TPSG1: variants seen among roughly 807,000 people sequenced by gnomAD.
TPSG1 encodes tryptase gamma 1, also known as tryptase gamma.
A neutral mutation model predicts 23.8 loss-of-function variants in TPSG1; 43 were observed. That is an observed-to-expected ratio of 1.81 (90% CI 1.42 to 2.33). The LOEUF is 2.33. TPSG1 is among the 30% of genes most tolerant of loss of function. TPSG1 has a pLI of 0.00. For synonymous variants in TPSG1, 302 were observed against 201.3 expected, an observed-to-expected ratio of 1.50 and a Z score of -4.23; for missense variants, 623 against 438.6, an observed-to-expected ratio of 1.42 and a Z score of -3.75.
intron 1 of TPSG1, 184 bp from the exon 2 acceptor site, chr16:1,224,812 C>G (rs1180728384): frequency 2.6e-5 from 19 of 719,764 alleles, no homozygotes; most frequent in Non-Finnish European, 4.4e-5. Context: ...GTGGGACAAG[C>G]CACAGGCCAT....
At chr16:1,224,700 C>T in intron 1 of TPSG1, 72 bp from the exon 2 acceptor site, 2 of 1,598,110 alleles carry the variant, frequency 1.3e-6, no homozygotes, top group South Asian at 1.1e-5. Flanking sequence ...CCAGAGGCCC[C>T]TGCCAGGCCT....
At position 1,221,816 on chromosome 16, in the gene TPSG1, TC is replaced by T. The variant is rs1970501107; in HGVS notation, c.937del (p.Asp313MetfsTer20). ...LAKCLLHPSA[D>X]GTPFPAPD ...GTCAGGGGCGGGGAAGGGAGTACCATCCGCAGATGGGTGCAGCAGGCACTTG... is the reference window on the plus strand; with the variant it reads ...GTCAGGGGCGGGGAAGGGAGTACCATCGCAGATGGGTGCAGCAGGCACTTG... On this transcript the variant is annotated frameshift_variant, in exon 6 of 6. Coordinates refer to ENST00000234798, the MANE Select transcript of TPSG1 (RefSeq NM_012467.4). LOFTEE classifies it low-confidence loss of function (END_TRUNC). 2 of 1,609,196 alleles carry T rather than the reference TC, an allele frequency of 1.2e-6. No individual in the cohort carries two copies. Among genetic ancestry groups the T allele is most frequent in the Non-Finnish European group, 1.7e-6 (2 of 1,177,638 alleles).
rs1236865410 is a variant in TPSG1 at position 1,224,591 on chromosome 16, C to G, written c.73+11G>C. 5 of 1,613,692 alleles carry G rather than the reference C, an allele frequency of 3.1e-6. No homozygotes were observed. In the African/African-American group the frequency reaches 5.3e-5, roughly 17 times the overall value. ...ACCCTCCCCCACACCCCACACCTGTCAGAGACGTACCTGGCTGCAAAGTCC... is the reference window on the plus strand; with the variant it reads ...ACCCTCCCCCACACCCCACACCTGTGAGAGACGTACCTGGCTGCAAAGTCC... On this transcript the variant is annotated intron_variant, in intron 2 of 5. Coordinates refer to ENST00000234798, the MANE Select transcript of TPSG1 (RefSeq NM_012467.4).
chr16:1,221,677 G>T lies in TPSG1; in HGVS notation c.*111C>A. The T allele has an allele frequency of 8.7e-7, 1 of 1,145,552 alleles. No individual in the cohort carries two copies. Among genetic ancestry groups the T allele is most frequent in the Non-Finnish European group, 1.2e-6 (1 of 823,982 alleles). 71.0% of individuals were successfully genotyped at this position (1,145,552 alleles called of 1,614,324 possible). On this transcript the variant is annotated 3_prime_UTR_variant, in exon 6 of 6. Transcript: ENST00000234798. ...TTGTTTCGTGTGCTTTTAAATTCAG[G>T]TTAAATGTTGCAATAATCTGATGCA... is the stretch of plus-strand genomic sequence containing the variant.
Position 1,222,231 on chromosome 16 carries a change from T to C in TPSG1, c.622A>G (p.Met208Val), listed in dbSNP as rs1215244799. ...GPGGSILQPD[M>V]LCARGPGDAC... ...TCCCCGGGGCCCCGGGCACACAGCATGTCGGGCTGAAGGATGCTGCCCCCG... is the reference window on the plus strand; with the variant it reads ...TCCCCGGGGCCCCGGGCACACAGCACGTCGGGCTGAAGGATGCTGCCCCCG... Residue 208 changes from methionine to valine, a missense_variant, in exon 5 of 6, where the codon ATG becomes GTG. Physicochemically the swap from Met to Val is conservative, Grantham distance 21. Coordinates refer to ENST00000234798, the MANE Select transcript of TPSG1 (RefSeq NM_012467.4). The C allele has an allele frequency of 3.1e-6, 5 of 1,611,636 alleles. No homozygotes were observed. The highest frequency in any genetic ancestry group is 1.7e-5 in the Admixed American group (1 of 59,964).
At position 1,221,696 on chromosome 16, in the gene TPSG1, T is replaced by C; in HGVS notation, c.*92A>G. 2 of 1,262,224 alleles carry C rather than the reference T, an allele frequency of 1.6e-6. No homozygotes were observed. The highest frequency in any genetic ancestry group is 2.2e-6 in the Non-Finnish European group (2 of 924,662). The allele number at this position is 1,262,224 out of a possible 1,614,324, so 78.2% of individuals were successfully genotyped here. ...ATTCAGGTTAAATGTTGCAATAATC[T>C]GATGCAGAAGACTCAGCTTCTCAAG... On this transcript the variant is annotated 3_prime_UTR_variant, in exon 6 of 6. Transcript: ENST00000234798.
At position 1,224,339 on chromosome 16, in the gene TPSG1, A is replaced by G. The variant is rs150144521; in HGVS notation, c.73+263T>C. Among the ~76,000 whole-genome samples the G allele has an allele frequency of 1.9e-3, 287 of 152,152 alleles. 1 individual carries two copies. The highest frequency in any genetic ancestry group is 2.5e-3 in the Non-Finnish European group (171 of 67,962). On this transcript the variant is annotated intron_variant, in intron 2 of 5. Coordinates refer to ENST00000234798, the MANE Select transcript of TPSG1 (RefSeq NM_012467.4). Reference sequence around the variant, plus strand: ...CCACGGTGGGGACGCTGTGGGGAGAAAGTTCGAGGAGGGCCAGGTTGTTTC... The same window carrying G: ...CCACGGTGGGGACGCTGTGGGGAGAGAGTTCGAGGAGGGCCAGGTTGTTTC...
rs571497796 is a variant in TPSG1, at chr16:1,224,916, G to A, written c.47-288C>T. ...CAGGAAAGAAATCACCAGTGTTCTA[G>A]GGCCTGGGACTCCTGGCACCCCCAA... is the stretch of plus-strand genomic sequence containing the variant. On this transcript the variant is annotated intron_variant, in intron 1 of 5. Coordinates refer to ENST00000234798, the MANE Select transcript of TPSG1 (RefSeq NM_012467.4). 4.5e-4 allele frequency: 269 copies of A among 593,808 alleles called. No individual in the cohort carries two copies. In the African/African-American group the frequency reaches 4.6e-3, roughly 10 times the overall value. The allele number at this position is 593,808 out of a possible 1,614,324, so 36.8% of individuals were successfully genotyped here.
chr16:1,222,227 A>G lies in TPSG1; in HGVS notation c.626T>C (p.Leu209Pro). ...PGGSILQPDM[L>P]CARGPGDACQ... ...GGCATCCCCGGGGCCCCGGGCACAC[A>G]GCATGTCGGGCTGAAGGATGCTGCC... Residue 209 changes from leucine (L) to proline (P), a missense_variant, in exon 5 of 6, where the codon CTG becomes CCG. By Grantham distance (98) the Leu-to-Pro change is moderately conservative. Transcript: ENST00000234798. 6.2e-7 allele frequency: 1 copy of G among 1,611,722 alleles called. No individual in the cohort carries two copies. Among genetic ancestry groups the G allele is most frequent in the African/African-American group, 1.3e-5 (1 of 74,892 alleles).
At chr16:1,224,476 C>G in intron 2 of TPSG1, 126 bp downstream of exon 2, 2 of 1,282,794 alleles carry the variant, frequency 1.6e-6, no homozygotes, top group Non-Finnish European at 1.1e-6. Context: ...GAGCAGAAAC[C>G]ACGGCGACAA....
chr16:1,222,285 C>G lies in TPSG1; in HGVS notation c.568G>C (p.Glu190Gln), dbSNP rs750476007. The G allele has an allele frequency of 3.5e-5, 57 of 1,611,558 alleles. No homozygotes were observed. Among genetic ancestry groups the G allele is most frequent in the Non-Finnish European group, 4.5e-5 (53 of 1,179,580 alleles). ...CCGGGATAGTCCCGGCGGCAGGTCTCTGTGTCCACCACGGAGACTTTCACC... is the reference window on the plus strand; with the variant it reads ...CCGGGATAGTCCCGGCGGCAGGTCTGTGTGTCCACCACGGAGACTTTCACC... Reference protein sequence around the residue: ...REVKVSVVDTETCRRDYPGPG... With the variant: ...REVKVSVVDTQTCRRDYPGPG... Residue 190 changes from glutamate to glutamine, a missense_variant, in exon 5 of 6, where the codon GAG becomes CAG. By Grantham distance (29) the Glu-to-Gln change is conservative. Coordinates refer to ENST00000234798, the MANE Select transcript of TPSG1 (RefSeq NM_012467.4).
chr16:1,222,833 G>A lies in TPSG1; in HGVS notation c.330C>T (p.Ile110=), dbSNP rs926626632. 4.3e-6 allele frequency: 7 copies of A among 1,611,646 alleles called. No homozygotes were observed. In the African/African-American group the frequency reaches 9.3e-5, roughly 22 times the overall value. ...LSPHFSTVRQ[I]ILHSSPSGQP... Reference sequence around the variant, plus strand: ...GTCCTGAGGGGCTGGAGTGCAGGATGATCTGCCTCACGGTGGAGAAGTGGG... The same window carrying A: ...GTCCTGAGGGGCTGGAGTGCAGGATAATCTGCCTCACGGTGGAGAAGTGGG... The change falls in exon 4 of 6, where the codon ATC becomes ATT. Residue 110 remains isoleucine (I), a synonymous_variant. Coordinates refer to ENST00000234798, the MANE Select transcript of TPSG1 (RefSeq NM_012467.4).
chr16:1,224,719 C>A, intron 1 of TPSG1, 91 bp from the exon 2 acceptor site: 1 of 1,550,982 alleles, frequency 6.4e-7, no homozygotes, highest in Non-Finnish European at 8.9e-7. Context: ...CTCAGGGCGG[C>A]ACTGGGGTGG....
intron 1 of TPSG1, 130 bp downstream of exon 1, chr16:1,225,077 C>CA (rs1322188319): frequency 4.5e-6 from 5 of 1,119,676 alleles, no homozygotes; most frequent in Non-Finnish European, 6.4e-6. Flanking sequence ...TCAGAGGAGA[C>CA]ACGGGGCCCC....
chr16:1,223,315 A>C, intron 3 of TPSG1, 108 bp downstream of exon 3: 1 of 1,337,508 alleles, frequency 7.5e-7, no homozygotes, highest in South Asian at 1.5e-5. Flanking sequence ...GTAGGCTCAG[A>C]GTTCCCAAGC....
chr16:1,224,827 G>A (rs1164698061), intron 1 of TPSG1, 199 bp from the exon 2 acceptor site: 5 of 648,658 alleles, frequency 7.7e-6, no homozygotes, highest in East Asian at 5.6e-5. Context: ...GGCCATAAAC[G>A]GCAGCTGGAG....
Position 1,221,718 on chromosome 16 carries a change from CAAGGGA to C in TPSG1, c.*64_*69del. 1 of 1,415,184 alleles carries C rather than the reference CAAGGGA, an allele frequency of 7.1e-7. No individual in the cohort carries two copies. Among genetic ancestry groups the C allele is most frequent in the Non-Finnish European group, 9.5e-7 (1 of 1,054,074 alleles). 87.7% of individuals were successfully genotyped at this position (1,415,184 alleles called of 1,614,324 possible). A position where few individuals can be genotyped will look rare whatever the true frequency, so the allele number is the denominator to read the frequency against. On this transcript the variant is annotated 3_prime_UTR_variant, in exon 6 of 6. Coordinates refer to ENST00000234798, the MANE Select transcript of TPSG1 (RefSeq NM_012467.4). ...ATCTGATGCAGAAGACTCAGCTTCT[CAAGGGA>C]GAGGGAGGGGGCGGAGCGGAATAAA...
intron 2 of TPSG1, chr16:1,223,854 A>G: frequency 1.9e-6 from 1 of 513,064 alleles, no homozygotes; most frequent in South Asian, 2.6e-5. Flanking sequence ...GAGGCGGTGG[A>G]AAGGCTGCAG....
At position 1,223,562 on chromosome 16, in the gene TPSG1, C is replaced by T. The variant is rs201921574; in HGVS notation, c.106G>A (p.Gly36Ser). 2.0e-3 allele frequency: 3,113 copies of T among 1,544,234 alleles called. 6 individuals are homozygous for T. The highest frequency in any genetic ancestry group is 2.3e-3 in the Non-Finnish European group (2,660 of 1,147,094). ...GCAGCGTGACCCCCCACGATCCGGCCGCCTGCATCCGAAACCTGCGGCCGG... is the reference window on the plus strand; with the variant it reads ...GCAGCGTGACCCCCCACGATCCGGCTGCCTGCATCCGAAACCTGCGGCCGG... ...CGRPQVSDAG[G>S]RIVGGHAAPA... Residue 36 changes from glycine to serine, a missense_variant, in exon 3 of 6, where the codon GGC (glycine) becomes AGC (serine). Physicochemically the swap from Gly to Ser is moderately conservative, Grantham distance 56. Transcript: ENST00000234798.
Sources: gnomAD v4.1 joint callset for allele counts (sites outside exome capture counted in the v4.1 genomes callset) on GRCh38, gnomAD v4.1.1 for gene constraint, MANE v1.5 for transcripts, NCBI Gene and HGNC (gene_info 2026-07-23, HGNC 2026-07-21) for gene names.